The following SAP30BP variants were observed in gnomAD, a reference collection of about 807,000 sequenced individuals.
SAP30BP encodes the protein SAP30 binding protein, also known as SAP30-binding protein.
In SAP30BP, 31 loss-of-function variants were observed where a neutral mutation model predicts 46.3. The ratio of observed to expected loss-of-function variants is 0.67; its 90% confidence interval spans 0.50 to 0.90. SAP30BP has a LOEUF of 0.90. Among genes scored for constraint, SAP30BP ranks in the 40% least tolerant of loss-of-function variants. The pLI, the probability that SAP30BP is intolerant of heterozygous loss-of-function variation, is 0.00. For missense variants in SAP30BP, 312 were observed against 391.0 expected (o/e 0.80, Z 1.70); for synonymous variants, 169 against 144.2 (o/e 1.17, Z -1.23).
At chr17:75,690,767 G>C (rs1379291682) in intron 3 of SAP30BP, 1 of 456,634 alleles carries the variant, frequency 2.2e-6, no homozygotes, top group Non-Finnish European at 4.4e-6. Flanking sequence ...TTCTAAACAT[G>C]ATAAGGTATA....
chr17:75,696,004 T>C (rs564982742), intron 4 of SAP30BP, among the ~76,000 whole-genome samples: 1 of 152,242 alleles, frequency 6.6e-6, no homozygotes, highest in East Asian at 1.9e-4. Context: ...CATAAGCCCG[T>C]CCAACTAGCT....
At chr17:75,704,980 G>A (rs2060472806) in intron 9 of SAP30BP, 166 bp downstream of exon 9, 1 of 630,410 alleles carries the variant, frequency 1.6e-6, no homozygotes, top group African/African-American at 1.8e-5. Flanking sequence ...CAGACCTGCT[G>A]GGTTCACGGC....
At chr17:75,671,738 T>C in intron 2 of SAP30BP, 78 bp from the exon 3 acceptor site, 1 of 1,119,828 alleles carries the variant, frequency 8.9e-7, no homozygotes, top group South Asian at 1.2e-5. Context: ...GGCTGTTTGC[T>C]CCGGCCCCTA....
chr17:75,677,980 T>G (rs974360025), intron 3 of SAP30BP, among the ~76,000 whole-genome samples: 2 of 152,058 alleles, frequency 1.3e-5, no homozygotes, highest in Non-Finnish European at 2.9e-5. Context: ...TTGAGAACTG[T>G]TTTTATTGCT....
At chr17:75,674,697 G>T (rs4453563) in intron 3 of SAP30BP, among the ~76,000 whole-genome samples, 12,304 of 60,696 alleles carry the variant, frequency 0.2, 1,020 homozygotes, top group Admixed American at 0.33. Context: ...TTTGTTTTTT[G>T]TTTTTTTTTT....
intron 3 of SAP30BP, chr17:75,691,282 G>C (rs2060237977): frequency 5.3e-6 from 2 of 374,304 alleles, no homozygotes; most frequent in Non-Finnish European, 1.0e-5. Flanking sequence ...TTATTTCTTA[G>C]GCGTAGAAGG....
Position 75,707,543 on chromosome 17 carries a change from G to C in SAP30BP, c.*1022G>C, listed in dbSNP as rs534218568. Reference sequence around the variant, plus strand: ...AAGCCAGGCTGTGAAGGGCCGTGTTGCTTTCAGTGGGTGGGCAGAGGTTTA... The same window carrying C: ...AAGCCAGGCTGTGAAGGGCCGTGTTCCTTTCAGTGGGTGGGCAGAGGTTTA... On this transcript the variant is annotated 3_prime_UTR_variant, in exon 11 of 11. Transcript: ENST00000584667. The C allele has an allele frequency of 3.2e-4, 49 of 152,878 alleles. No individual in the cohort carries two copies. Among genetic ancestry groups the C allele is most frequent in the Non-Finnish European group, 2.9e-5 (2 of 68,114 alleles). The allele number at this position is 152,878 out of a possible 1,614,324, so 9.5% of individuals were successfully genotyped here.
At chr17:75,695,866 A>G (rs1020995329) in intron 4 of SAP30BP, among the ~76,000 whole-genome samples, 1 of 152,158 alleles carries the variant, frequency 6.6e-6, no homozygotes, top group Non-Finnish European at 1.5e-5. Context: ...GGCCTCGCAG[A>G]TGCCCACGGC....
intron 6 of SAP30BP, 141 bp from the exon 7 acceptor site, chr17:75,703,170 G>T: frequency 1.4e-6 from 1 of 712,044 alleles, no homozygotes. Context: ...AGAGTGGAGG[G>T]CCATCAGGAA....
At chr17:75,671,746 C>T (rs1318747514) in intron 2 of SAP30BP, 70 bp from the exon 3 acceptor site, 9 of 1,213,082 alleles carry the variant, frequency 7.4e-6, no homozygotes, top group Non-Finnish European at 1.1e-5. Context: ...GCTCCGGCCC[C>T]TAGTTATGCA....
Position 75,706,392 on chromosome 17 carries a change from A to G in SAP30BP, c.798A>G (p.Ile266Met). 1 of 1,614,090 alleles carries G rather than the reference A, an allele frequency of 6.2e-7. No individual in the cohort carries two copies. Among genetic ancestry groups the G allele is most frequent in the Non-Finnish European group, 8.5e-7 (1 of 1,180,016 alleles). ...KWDSAIPVTT[I>M]AQPTILTTTA... Reference sequence around the variant, plus strand: ...ATTCGGCTATCCCAGTGACAACGATAGCCCAGCCCACCATCCTCACCACCA... The same window carrying G: ...ATTCGGCTATCCCAGTGACAACGATGGCCCAGCCCACCATCCTCACCACCA... The change falls in exon 11 of 11, where the codon ATA becomes ATG. Residue 266 changes from isoleucine (I) to methionine (M), a missense_variant. Physicochemically the swap from Ile to Met is conservative, Grantham distance 10. Coordinates refer to ENST00000584667, the MANE Select transcript of SAP30BP (RefSeq NM_013260.8). The surrounding 1 kb of genome is among the most constrained non-coding windows in gnomAD (Gnocchi z 4.6).
chr17:75,681,106 C>CT (rs2060069278), intron 3 of SAP30BP, among the ~76,000 whole-genome samples: 1 of 152,228 alleles, frequency 6.6e-6, no homozygotes, highest in Non-Finnish European at 1.5e-5. Context: ...CTAAGTATTA[C>CT]TGTCCTCACA....
intron 9 of SAP30BP, 171 bp from the exon 10 acceptor site, chr17:75,705,837 T>C: frequency 9.1e-7 from 1 of 1,104,616 alleles, no homozygotes. Context: ...GAAAAGCCCC[T>C]TTGGGTTCTT....
At chr17:75,677,404 A>G (rs1161604247) in intron 3 of SAP30BP, among the ~76,000 whole-genome samples, 1 of 145,964 alleles carries the variant, frequency 6.9e-6, no homozygotes, top group Non-Finnish European at 1.5e-5. Flanking sequence ...CGCCCGGCCT[A>G]TGGCTGACCA....
chr17:75,675,819 A>G (rs1599103144), intron 3 of SAP30BP, among the ~76,000 whole-genome samples: 1 of 152,146 alleles, frequency 6.6e-6, no homozygotes, highest in Non-Finnish European at 1.5e-5. Context: ...CGAGAGGCTG[A>G]GGTGGGAGAA....
chr17:75,672,785 C>T (rs1057214746), intron 3 of SAP30BP, among the ~76,000 whole-genome samples: 3 of 152,022 alleles, frequency 2.0e-5, no homozygotes, highest in East Asian at 3.9e-4. Flanking sequence ...GGTGAAACCC[C>T]GTCTCTACTA....
rs1346776090 is a variant in SAP30BP at position 75,706,134 on chromosome 17, G to A, written c.745+42G>A. 52 of 1,592,648 alleles carry A rather than the reference G, an allele frequency of 3.3e-5. No individual in the cohort carries two copies. In the Admixed American group the frequency reaches 6.1e-4, roughly 19 times the overall value. On this transcript the variant is annotated intron_variant, in intron 10 of 10. Coordinates refer to ENST00000584667, the MANE Select transcript of SAP30BP (RefSeq NM_013260.8). The surrounding 1 kb of genome is among the most constrained non-coding windows in gnomAD (Gnocchi z 4.6). Reference sequence around the variant, plus strand: ...CCCTGCCTCCTGCCACACACATGGAGCCAGGGTCTCCCTGGCTTGTTTGGG... The same window carrying A: ...CCCTGCCTCCTGCCACACACATGGAACCAGGGTCTCCCTGGCTTGTTTGGG...
At chr17:75,677,715 G>A (rs565317307) in intron 3 of SAP30BP, among the ~76,000 whole-genome samples, 1 of 149,192 alleles carries the variant, frequency 6.7e-6, no homozygotes, top group South Asian at 2.1e-4. Flanking sequence ...CATAGTGCTG[G>A]GATTACAGGC....
intron 6 of SAP30BP, 28 bp downstream of exon 6, chr17:75,702,599 T>C (rs942639164): frequency 2.7e-6 from 3 of 1,126,944 alleles, no homozygotes. Context: ...CTGCAGAGTT[T>C]ATTGAGTTAT....
Sources: gnomAD v4.1 joint callset for allele counts (sites outside exome capture counted in the v4.1 genomes callset) on GRCh38, gnomAD v4.1.1 for gene constraint, Gnocchi (gnomAD v3.1) non-coding constraint, MANE v1.5 for transcripts, NCBI Gene and HGNC (gene_info 2026-07-23, HGNC 2026-07-21) for gene names.